The following CLCN2 variants were observed in gnomAD, a reference collection of about 807,000 sequenced individuals.
The protein encoded by CLCN2 is chloride voltage-gated channel 2.
In CLCN2, 72 loss-of-function variants were observed where a neutral mutation model predicts 108.3. The observed-to-expected ratio is 0.66, with a 90% CI of 0.55 to 0.81. The LOEUF (loss-of-function observed/expected upper bound fraction) is 0.81. Ranked by LOEUF, CLCN2 falls within the 30% of genes least tolerant of loss-of-function variation. The pLI, the probability that CLCN2 is intolerant of heterozygous loss-of-function variation, is 0.00. For missense variants in CLCN2, 1,048 were observed against 1,205.2 expected, an observed-to-expected ratio of 0.87 and a Z score of 1.93; for synonymous variants, 471 against 467.1, an observed-to-expected ratio of 1.01 and a Z score of -0.11.
At chr3:184,357,518 G>T in intron 7 of CLCN2, 31 bp from the exon 8 acceptor site, 1 of 1,614,122 alleles carries the variant, frequency 6.2e-7, no homozygotes, top group South Asian at 1.1e-5. Flanking sequence ...AGCACTTGAG[G>T]CCTGGGCCTG....
In CLCN2 at chr3:184,353,348, G is replaced by C; in HGVS notation, c.1930C>G (p.Arg644Gly). 1 of 1,613,294 alleles carries C rather than the reference G, an allele frequency of 6.2e-7. No individual in the cohort carries two copies. Among genetic ancestry groups the C allele is most frequent in the Non-Finnish European group, 8.5e-7 (1 of 1,179,938 alleles). ...ALLGAQLSPA[R>G]RRQHMQERRA... ...CGCTCCTGCATGTGCTGCCGCCGGC[G>C]GGCTGGGCTCAGCTGGGCCCCCAAC... Residue 644 changes from arginine to glycine, a missense_variant, in exon 17 of 24, where the codon CGC becomes GGC. Physicochemically the swap from Arg to Gly is moderately radical, Grantham distance 125 (BLOSUM62 -2). Coordinates refer to ENST00000265593, the MANE Select transcript of CLCN2 (RefSeq NM_004366.6).
intron 3 of CLCN2, 170 bp from the exon 4 acceptor site, chr3:184,358,480 A>G (rs1239811501): frequency 8.8e-7 from 1 of 1,130,104 alleles, no homozygotes; most frequent in African/African-American, 1.5e-5. Context: ...AATCTAGGCA[A>G]GAGGATCACT....
intron 3 of CLCN2, 34 bp from the exon 4 acceptor site, chr3:184,358,344 A>G: frequency 1.2e-6 from 2 of 1,612,646 alleles, no homozygotes; most frequent in Non-Finnish European, 1.7e-6. Flanking sequence ...CCCCCAGTGC[A>G]CACACCCACT....
At position 184,358,491 on chromosome 3, in the gene CLCN2, T is replaced by G. The variant is rs1711566736; in HGVS notation, c.353-181A>C. 7 of 1,100,768 alleles carry G rather than the reference T, an allele frequency of 6.4e-6. No homozygotes were observed. The South Asian group carries it at 8.0e-5, about 13-fold the overall frequency. 68.2% of individuals were successfully genotyped at this position (1,100,768 alleles called of 1,614,324 possible). A position where few individuals can be genotyped will look rare whatever the true frequency, so the allele number is the denominator to read the frequency against. On this transcript the variant is annotated intron_variant, in intron 3 of 23. Coordinates refer to ENST00000265593, the MANE Select transcript of CLCN2 (RefSeq NM_004366.6). Reference sequence around the variant, plus strand: ...GCGCAATCTAGGCAAGAGGATCACTTGGAGAGGGGATGCAAGAAGCTGTGC... The same window carrying G: ...GCGCAATCTAGGCAAGAGGATCACTGGGAGAGGGGATGCAAGAAGCTGTGC...
intron 15 of CLCN2, 34 bp downstream of exon 15, chr3:184,354,067 A>C (rs1253976506): frequency 6.3e-7 from 1 of 1,597,888 alleles, no homozygotes; most frequent in East Asian, 2.2e-5. Flanking sequence ...TCTGCCCTTC[A>C]CCCACAGCCC....
At position 184,346,864 on chromosome 3, in the gene CLCN2, C is replaced by G. The variant is rs1727712657; in HGVS notation, c.2503-64G>C. ...TCAGACTCCTCCCCGCCTTCCTCCC[C>G]AGGTGAGCTGGACATAAGCCTCCAT... On this transcript the variant is annotated intron_variant, in intron 23 of 23. Coordinates refer to ENST00000265593, the MANE Select transcript of CLCN2 (RefSeq NM_004366.6). The surrounding 1 kb of genome is among the most constrained non-coding windows in gnomAD (Gnocchi z 6.0). 6.2e-7 allele frequency: 1 copy of G among 1,612,218 alleles called. No individual in the cohort carries two copies. Among genetic ancestry groups the G allele is most frequent in the South Asian group, 1.1e-5 (1 of 91,050 alleles).
Position 184,361,244 on chromosome 3 carries a change from C to G in CLCN2, c.63+173G>C, listed in dbSNP as rs536717847. On this transcript the variant is annotated intron_variant, in intron 1 of 23. Coordinates refer to ENST00000265593, the MANE Select transcript of CLCN2 (RefSeq NM_004366.6). The surrounding 1 kb of genome is among the most constrained non-coding windows in gnomAD (Gnocchi z 6.6). ...GCCCTCAGCCTCAGCCAGAAACCAGCATGCAGTTTTCCATCCCTTCGGCCC... is the reference window on the plus strand; with the variant it reads ...GCCCTCAGCCTCAGCCAGAAACCAGGATGCAGTTTTCCATCCCTTCGGCCC... Among the ~76,000 whole-genome samples, 4 of 152,314 alleles carry G rather than the reference C, an allele frequency of 2.6e-5. No individual in the cohort carries two copies. In the South Asian group the frequency reaches 8.3e-4, roughly 32 times the overall value.
At chr3:184,352,268 G>A in intron 21 of CLCN2, 25 bp downstream of exon 21, 4 of 1,613,314 alleles carry the variant, frequency 2.5e-6, no homozygotes, top group Non-Finnish European at 3.4e-6. Flanking sequence ...GAAGAAACAG[G>A]GTCCAGAGTC....
Position 184,355,034 on chromosome 3 carries a change from C to A in CLCN2, c.1327-61G>T. On this transcript the variant is annotated intron_variant, in intron 12 of 23. Coordinates refer to ENST00000265593, the MANE Select transcript of CLCN2 (RefSeq NM_004366.6). The surrounding 1 kb of genome is among the most constrained non-coding windows in gnomAD (Gnocchi z 6.3). ...CCACCTGGCCCCAGGCAGCCCACAG[C>A]GCCACCCAGGAGAAGTCTACCTCGC... 1 of 1,495,576 alleles carries A rather than the reference C, an allele frequency of 6.7e-7. No homozygotes were observed. Among genetic ancestry groups the A allele is most frequent in the Non-Finnish European group, 9.3e-7 (1 of 1,073,466 alleles). 92.6% of individuals were successfully genotyped at this position (1,495,576 alleles called of 1,614,324 possible).
At position 184,352,505 on chromosome 3, in the gene CLCN2, T is replaced by C. The variant is rs1728188891; in HGVS notation, c.2218-9A>G. 1 of 1,612,484 alleles carries C rather than the reference T, an allele frequency of 6.2e-7. No individual in the cohort carries two copies. The highest frequency in any genetic ancestry group is 1.7e-5 in the Admixed American group (1 of 59,862). On this transcript the variant is annotated splice_polypyrimidine_tract_variant and intron_variant, in intron 19 of 23. Transcript: ENST00000265593. ...TCACAGGATTCCAACTTCTTCAGTTTTGTTAGAGCCAAACCAGAAAGATGA... is the reference window on the plus strand; with the variant it reads ...TCACAGGATTCCAACTTCTTCAGTTCTGTTAGAGCCAAACCAGAAAGATGA...
chr3:184,358,151 G>A (rs772761802), intron 4 of CLCN2, 31 bp downstream of exon 4: 26 of 1,613,982 alleles, frequency 1.6e-5, no homozygotes, highest in Non-Finnish European at 2.0e-5. Flanking sequence ...CAGGGGTCCC[G>A]CCTCTGCCCT....
chr3:184,355,818 G>A lies in CLCN2; in HGVS notation c.1086-40C>T, dbSNP rs1728509109. On this transcript the variant is annotated intron_variant, in intron 10 of 23. Coordinates refer to ENST00000265593, the MANE Select transcript of CLCN2 (RefSeq NM_004366.6). This position sits in a 1 kb window ranked among gnomAD's most constrained non-coding sequence, Gnocchi z 6.3. ...TTCACATCAGTCGTGGGTGGCCAAG[G>A]GCTGGGTGGCCTCGCATATCTCAGG... is the stretch of plus-strand genomic sequence containing the variant. 3.2e-6 allele frequency: 5 copies of A among 1,555,546 alleles called. No homozygotes were observed. The highest frequency in any genetic ancestry group is 4.4e-6 in the Non-Finnish European group (5 of 1,128,976).
intron 22 of CLCN2, among the ~76,000 whole-genome samples, chr3:184,350,896 T>G (rs1728042755): frequency 6.6e-6 from 1 of 152,140 alleles, no homozygotes; most frequent in Admixed American, 6.5e-5. Context: ...TAGCAAGCAC[T>G]CGAAAAATGT....
At position 184,352,029 on chromosome 3, in the gene CLCN2, C is replaced by T. The variant is rs147728691; in HGVS notation, c.2399G>A (p.Arg800Gln). ...TGGCCCTACCTTGTGCAAAGAGGTC[C>T]GCTCCACCAGCTGGAAGGGAGCAGG... Reference protein sequence around the residue: ...IDPAPFQLVERTSLHKTHTIF... With the variant: ...IDPAPFQLVEQTSLHKTHTIF... The change falls in exon 22 of 24, where the codon CGG becomes CAG. Residue 800 changes from arginine (R) to glutamine (Q), a missense_variant. Physicochemically the swap from Arg to Gln is conservative, Grantham distance 43. Coordinates refer to ENST00000265593, the MANE Select transcript of CLCN2 (RefSeq NM_004366.6). 6.4e-5 allele frequency: 103 copies of T among 1,613,280 alleles called. No homozygotes were observed. The highest frequency in any genetic ancestry group is 4.3e-4 in the African/African-American group (32 of 74,806).
In CLCN2 at chr3:184,357,070, G is replaced by A. The variant is rs756090893; in HGVS notation, c.1008C>T (p.Ala336=). 2 of 1,613,614 alleles carry A rather than the reference G, an allele frequency of 1.2e-6. No individual in the cohort carries two copies. The highest frequency in any genetic ancestry group is 1.1e-5 in the South Asian group (1 of 90,970). Residue 336 remains alanine (A), a synonymous_variant, in exon 10 of 24, where the codon GCC becomes GCT. Coordinates refer to ENST00000265593, the MANE Select transcript of CLCN2 (RefSeq NM_004366.6). ...TCTTCCGGTTCAGGTAGACAAAGAG[G>A]GCTCCACCGAAGCCACTAGCAATAC... ...VIGIASGFGG[A]LFVYLNRKIV...
In CLCN2 at chr3:184,354,959, T is replaced by G. The variant is rs768285833; in HGVS notation, c.1341A>C (p.Ala447=). The change falls in exon 13 of 24, where the codon GCA becomes GCC. Residue 447 remains alanine (A), a synonymous_variant. Transcript: ENST00000265593. ...IFILMKFWMS[A]LATTIPVPCG... The stretch of plus-strand genomic sequence containing the variant: ...AGGGAACTGGGATGGTGGTGGCCAG[T>G]GCAGACATCCAGAACTGCAGGCAGG... 6.2e-7 allele frequency: 1 copy of G among 1,613,888 alleles called. No individual in the cohort carries two copies. The highest frequency in any genetic ancestry group is 1.7e-5 in the Admixed American group (1 of 60,012).
Position 184,361,285 on chromosome 3 carries a change from C to T in CLCN2, c.63+132G>A. 2 of 1,017,530 alleles carry T rather than the reference C, an allele frequency of 2.0e-6. No homozygotes were observed. Among genetic ancestry groups the T allele is most frequent in the African/African-American group, 3.1e-5 (2 of 63,584 alleles). 63.0% of individuals were successfully genotyped at this position (1,017,530 alleles called of 1,614,324 possible). A position where few individuals can be genotyped will look rare whatever the true frequency, so the allele number is the denominator to read the frequency against. On this transcript the variant is annotated intron_variant, in intron 1 of 23. Transcript: ENST00000265593. This position sits in a 1 kb window ranked among gnomAD's most constrained non-coding sequence, Gnocchi z 6.6. ...CCTTCGGCCCTGCAGCCTCAGACTT[C>T]CAAGCCTCAGTTTCCCCAGCTCAAA... is the stretch of plus-strand genomic sequence containing the variant.
chr3:184,354,548 C>T lies in CLCN2; in HGVS notation c.1507G>A (p.Gly503Arg), dbSNP rs777105668. The change falls in exon 14 of 24, where the codon GGG becomes AGG. Residue 503 changes from glycine to arginine, a missense_variant and splice_region_variant. Coordinates refer to ENST00000265593, the MANE Select transcript of CLCN2 (RefSeq NM_004366.6). ...RIVPGGYAVV[G>R]AAALAGAVTH... Reference sequence around the variant, plus strand: ...GGCCGATGGGACCTGAGGCACTCACCGACCACAGCGTAGCCCCCAGGCACA... The same window carrying T: ...GGCCGATGGGACCTGAGGCACTCACTGACCACAGCGTAGCCCCCAGGCACA... The T allele has an allele frequency of 5.6e-6, 9 of 1,612,154 alleles. No individual in the cohort carries two copies. Among genetic ancestry groups the T allele is most frequent in the Admixed American group, 1.7e-5 (1 of 60,012 alleles).
intron 22 of CLCN2, chr3:184,348,512 T>C (rs1727855926): frequency 6.8e-6 from 1 of 147,608 alleles, no homozygotes; most frequent in Admixed American, 6.8e-5. Context: ...AAAAAAAAGT[T>C]CTTCTGTGTT....
Sources: allele counts gnomAD v4.1 joint callset (sites outside exome capture counted in the v4.1 genomes callset), GRCh38; gene constraint gnomAD v4.1.1; non-coding constraint Gnocchi (gnomAD v3.1); transcripts MANE v1.5; gene names NCBI Gene and HGNC (gene_info 2026-07-23, HGNC 2026-07-21).